Variants in PKIB observed in about 807,000 individuals in gnomAD.
PKIB encodes the protein cAMP-dependent protein kinase inhibitor beta, also known as PKI-beta.
PKIB carries 2 observed loss-of-function variants against 4.5 expected under a neutral mutation model. The ratio of observed to expected loss-of-function variants is 0.44; its 90% confidence interval spans 0.18 to 1.39. The LOEUF is 1.39. PKIB is among the 40% of genes most tolerant of loss of function. The probability of loss-of-function intolerance (pLI) is 0.27; values close to 1 mark genes in which losing one functional copy is unlikely to be tolerated. For synonymous variants in PKIB, 38 were observed against 36.0 expected, an observed-to-expected ratio of 1.06 and a Z score of -0.20; for missense variants, 94 against 92.6, an observed-to-expected ratio of 1.02 and a Z score of -0.06.
chr6:122,550,239 C>A (rs932740123), intron 2 of PKIB, among the ~76,000 whole-genome samples: 4 of 152,054 alleles, frequency 2.6e-5, no homozygotes, highest in African/African-American at 9.7e-5. Flanking sequence ...AATAAAAAGT[C>A]TAGCTAATAT....
In PKIB at chr6:122,537,782, T is replaced by A. The variant is rs547330670; in HGVS notation, c.-247-48139T>A. Among the ~76,000 whole-genome samples, 221 of 152,160 alleles carry A rather than the reference T, an allele frequency of 1.5e-3. 1 individual carries two copies. Among genetic ancestry groups the A allele is most frequent in the African/African-American group, 5.0e-3 (207 of 41,482 alleles). On this transcript the variant is annotated intron_variant, in intron 2 of 6. Transcript: ENST00000392491. ...ACTTCCACAATGGTTGAACTAGTTT[T>A]CAGTCCCACCAACAGTGTAAAAGTG...
At chr6:122,523,548 T>G (rs1159582396) in intron 2 of PKIB, among the ~76,000 whole-genome samples, 2 of 152,100 alleles carry the variant, frequency 1.3e-5, no homozygotes, top group Non-Finnish European at 2.9e-5. Context: ...CTTGGGAGGC[T>G]GAGGCAGGTG....
intron 2 of PKIB, among the ~76,000 whole-genome samples, chr6:122,562,591 A>G (rs961040884): frequency 1.3e-5 from 2 of 152,218 alleles, no homozygotes; most frequent in African/African-American, 2.4e-5. Flanking sequence ...AGGAATGCCA[A>G]TTATCCTTAA....
intron 1 of PKIB, among the ~76,000 whole-genome samples, chr6:122,619,059 G>A (rs1422392457): frequency 6.6e-6 from 1 of 152,112 alleles, no homozygotes; most frequent in Admixed American, 6.5e-5. Flanking sequence ...TTTATGAATT[G>A]TTATTTTATA....
intron 2 of PKIB, among the ~76,000 whole-genome samples, chr6:122,636,819 T>C (rs1775934054): frequency 6.6e-6 from 1 of 152,164 alleles, no homozygotes; most frequent in Non-Finnish European, 1.5e-5. Context: ...TATTAAAAAG[T>C]TACAATTATT....
intron 3 of PKIB, among the ~76,000 whole-genome samples, chr6:122,689,625 T>C (rs1464660918): frequency 1.3e-5 from 2 of 152,216 alleles, no homozygotes; most frequent in African/African-American, 2.4e-5. Context: ...AGATGCTTGA[T>C]ATTATTTCAA....
chr6:122,536,184 C>T (rs777309011), intron 2 of PKIB, among the ~76,000 whole-genome samples: 9 of 152,174 alleles, frequency 5.9e-5, no homozygotes, highest in Non-Finnish European at 8.8e-5. Context: ...AAGTGATCCA[C>T]CTGCCTTGGC....
At position 122,725,132 on chromosome 6, in the gene PKIB, A is replaced by T. The variant is rs745430181; in HGVS notation, c.174A>T (p.Ala58=). Residue 58 remains alanine (A), a synonymous_variant, in exon 5 of 5, where the codon GCA becomes GCT. Coordinates refer to ENST00000368452, the MANE Select transcript of PKIB (RefSeq NM_181795.3). ...GAATGGAAATTTTTTTTTCAGATGC[A>T]AAAGAGAAAGATGAAAAAACAACAC... ...KLEALSVKED[A]KEKDEKTTQD... The T allele has an allele frequency of 6.2e-7, 1 of 1,608,084 alleles. No homozygotes were observed. The highest frequency in any genetic ancestry group is 8.5e-7 in the Non-Finnish European group (1 of 1,177,694).
chr6:122,673,599 G>A (rs539000855), intron 2 of PKIB, among the ~76,000 whole-genome samples: 3 of 152,260 alleles, frequency 2.0e-5, no homozygotes, highest in Admixed American at 2.0e-4. Context: ...ATGGGAACAA[G>A]GTTAAAATGA....
chr6:122,695,502 AT>A (rs1778537343), intron 3 of PKIB, among the ~76,000 whole-genome samples: 1 of 152,214 alleles, frequency 6.6e-6, no homozygotes, highest in Non-Finnish European at 1.5e-5. Context: ...TAAAGTTTTC[AT>A]ATCAGATGAA....
At chr6:122,654,887 A>G (rs1404523824) in intron 2 of PKIB, among the ~76,000 whole-genome samples, 4 of 152,062 alleles carry the variant, frequency 2.6e-5, no homozygotes, top group South Asian at 4.1e-4. Context: ...TTTTTGGTTC[A>G]TTCTCCTAAT....
At chr6:122,689,870 T>C (rs111998619) in intron 3 of PKIB, among the ~76,000 whole-genome samples, 229 of 152,316 alleles carry the variant, frequency 1.5e-3, no homozygotes, top group African/African-American at 5.4e-3. Context: ...CTCCAGCTAT[T>C]ATTATGTTGG....
At chr6:122,586,332 A>T (rs1239832377) in intron 3 of PKIB, among the ~76,000 whole-genome samples, 1 of 152,132 alleles carries the variant, frequency 6.6e-6, no homozygotes. Flanking sequence ...TGATACCATC[A>T]TATGATTTTT....
At chr6:122,572,592 T>C (rs1038705041) in intron 2 of PKIB, among the ~76,000 whole-genome samples, 7 of 109,884 alleles carry the variant, frequency 6.4e-5, no homozygotes, top group African/African-American at 1.8e-4. Context: ...ACAAAGCAAA[T>C]CCAAATGTAG....
intron 2 of PKIB, among the ~76,000 whole-genome samples, chr6:122,532,463 A>G (rs761493877): frequency 1.3e-5 from 2 of 152,122 alleles, no homozygotes; most frequent in Non-Finnish European, 2.9e-5. Context: ...TTGTTGTGTA[A>G]TCATCACCAC....
At chr6:122,564,274 T>C (rs9388096) in intron 2 of PKIB, among the ~76,000 whole-genome samples, 53,680 of 152,034 alleles carry the variant, frequency 0.35, 9,902 homozygotes, top group African/African-American at 0.44. Context: ...TTCTTGCACT[T>C]GATCTGGAGC....
Position 122,709,259 on chromosome 6 carries a change from G to T in PKIB, c.-8-8528G>T, listed in dbSNP as rs1417049508. Among the ~76,000 whole-genome samples the T allele has an allele frequency of 2.0e-5, 3 of 152,108 alleles. No homozygotes were observed. The East Asian group carries it at 5.8e-4, about 29-fold the overall frequency. ...CAACTTCAGAAGTGTTCACTTTTAG[G>T]CGACCAAACTTCCCATTGCTCCATA... On this transcript the variant is annotated intron_variant, in intron 3 of 4. Coordinates refer to ENST00000368452, the MANE Select transcript of PKIB (RefSeq NM_181795.3).
chr6:122,604,680 C>G (rs34201452), intron 3 of PKIB, among the ~76,000 whole-genome samples: 19,717 of 152,164 alleles, frequency 0.13, 1,560 homozygotes, highest in South Asian at 0.27. Context: ...AGGATAATCC[C>G]TTAGTTCTTC....
At chr6:122,682,542 G>A (rs1777938650) in intron 3 of PKIB, among the ~76,000 whole-genome samples, 1 of 151,934 alleles carries the variant, frequency 6.6e-6, no homozygotes, top group Non-Finnish European at 1.5e-5. Flanking sequence ...TCAACTTGAG[G>A]GGTTATTTTG....
Sources: gnomAD v4.1 joint callset for allele counts (sites outside exome capture counted in the v4.1 genomes callset) on GRCh38, gnomAD v4.1.1 for gene constraint, MANE v1.5 for transcripts, NCBI Gene and HGNC (gene_info 2026-07-23, HGNC 2026-07-21) for gene names.